TYRP1: variants seen among roughly 807,000 people sequenced by gnomAD.
TYRP1 encodes the protein tyrosinase related protein 1, also known as 5,6-dihydroxyindole-2-carboxylic acid oxidase.
Under a neutral mutation model 42.8 loss-of-function variants are expected in TYRP1, and 49 were observed. The ratio of observed to expected loss-of-function variants is 1.14; its 90% CI spans 0.91 to 1.45. The LOEUF (loss-of-function observed/expected upper bound fraction) is 1.45. TYRP1 is among the 40% of genes most tolerant of loss of function. The probability of loss-of-function intolerance (pLI) is 0.00; values close to 1 mark genes in which losing one functional copy is unlikely to be tolerated. For synonymous variants in TYRP1, 279 were observed against 235.4 expected, an observed-to-expected ratio of 1.19 and a Z score of -1.69; for missense variants, 848 against 662.0, an observed-to-expected ratio of 1.28 and a Z score of -3.08.
rs1818116196 is a variant in TYRP1, at chr9:12,698,609, C to T, written c.867C>T (p.Val289=). 1 of 1,613,746 alleles carries T rather than the reference C, an allele frequency of 6.2e-7. No individual in the cohort carries two copies. Among genetic ancestry groups the T allele is most frequent in the African/African-American group, 1.3e-5 (1 of 75,018 alleles). Residue 289 remains valine, a synonymous_variant, in exon 4 of 8, where the codon GTC becomes GTT. Coordinates refer to ENST00000388918, the MANE Select transcript of TYRP1 (RefSeq NM_000550.3). ...PNSVFSQWRV[V]CDSLEDYDTL... ...CTGTCTTTTCTCAATGGCGAGTGGT[C>T]TGTGACTCCTTGGAAGATTATGATA... is the stretch of plus-strand genomic sequence containing the variant.
chr9:12,707,968 A>C (rs1487482411), intron 6 of TYRP1, 29 bp from the exon 7 acceptor site: 2 of 1,587,172 alleles, frequency 1.3e-6, no homozygotes, highest in East Asian at 2.3e-5. Flanking sequence ...TATTATGTTT[A>C]TTAATACGTT....
chr9:12,708,567 T>C (rs1818299455), intron 7 of TYRP1, among the ~76,000 whole-genome samples: 1 of 152,004 alleles, frequency 6.6e-6, no homozygotes, highest in Non-Finnish European at 1.5e-5. Context: ...GGGAGTGAGA[T>C]ACTCTTAGGT....
chr9:12,702,254 C>A lies in TYRP1; in HGVS notation c.914-17C>A, dbSNP rs780413023. The A allele has an allele frequency of 6.2e-7, 1 of 1,612,432 alleles. No homozygotes were observed. The highest frequency in any genetic ancestry group is 2.2e-5 in the East Asian group (1 of 44,844). On this transcript the variant is annotated splice_polypyrimidine_tract_variant and intron_variant, in intron 4 of 7. Transcript: ENST00000388918. ...AAACATTGTGTAAATGTTTCCACAT[C>A]CCATTTTTTTCTGCAGGCACCGAGG...
At position 12,703,162 on chromosome 9, in the gene TYRP1, A is replaced by G. The variant is rs572101141; in HGVS notation, c.1081+724A>G. ...TATATATATTTAAAGTCTTCAAAAG[A>G]ATATAATTACTTTTATCTTATAAAC... On this transcript the variant is annotated intron_variant, in intron 5 of 7. Transcript: ENST00000388918. Among the ~76,000 whole-genome samples, 6 of 152,066 alleles carry G rather than the reference A, an allele frequency of 3.9e-5. No homozygotes were observed. The South Asian group carries it at 1.0e-3, about 26-fold the overall frequency.
In TYRP1 at chr9:12,695,835, C is replaced by A. The variant is rs917069736; in HGVS notation, c.706C>A (p.Gln236Lys). 1 of 1,613,884 alleles carries A rather than the reference C, an allele frequency of 6.2e-7. No homozygotes were observed. The highest frequency in any genetic ancestry group is 8.5e-7 in the Non-Finnish European group (1 of 1,179,970). Residue 236 changes from glutamine (Q) to lysine (K), a missense_variant and splice_region_variant, in exon 3 of 8, where the codon CAG becomes AAG. Coordinates refer to ENST00000388918, the MANE Select transcript of TYRP1 (RefSeq NM_000550.3). ...YHLLRLEKDM[Q>K]EMLQEPSFSL... The stretch of plus-strand genomic sequence containing the variant: ...CCTCCTGCGTCTGGAGAAAGACATG[C>A]AGGTATGTAAGAAGCATTTCAGTTT...
At chr9:12,695,932 C>T in intron 3 of TYRP1, 95 bp downstream of exon 3, 2 of 1,391,416 alleles carry the variant, frequency 1.4e-6, no homozygotes, top group Non-Finnish European at 2.0e-6. Flanking sequence ...ATCATCAGAA[C>T]ATTTGATGAA....
In TYRP1 at chr9:12,698,481, C is replaced by G. The variant is rs377629560; in HGVS notation, c.739C>G (p.Pro247Ala). The G allele has an allele frequency of 6.2e-7, 1 of 1,613,728 alleles. No individual in the cohort carries two copies. The highest frequency in any genetic ancestry group is 1.1e-5 in the South Asian group (1 of 91,074). ...GTTGCAAGAGCCTTCTTTCTCCCTT[C>G]CTTACTGGAATTTTGCAACGGGGAA... is the stretch of plus-strand genomic sequence containing the variant. ...EMLQEPSFSL[P>A]YWNFATGKNV... Residue 247 changes from proline (P) to alanine (A), a missense_variant, in exon 4 of 8, where the codon CCT becomes GCT. By Grantham distance (27) the Pro-to-Ala change is conservative. Transcript: ENST00000388918.
At chr9:12,702,939 A>G (rs1451614427) in intron 5 of TYRP1, among the ~76,000 whole-genome samples, 3 of 152,054 alleles carry the variant, frequency 2.0e-5, no homozygotes, top group African/African-American at 7.2e-5. Flanking sequence ...TCAAATTAGC[A>G]TCTACTGATG....
chr9:12,693,637 C>G (rs1410831295), intron 1 of TYRP1, among the ~76,000 whole-genome samples, 159 bp downstream of exon 1: 1 of 150,148 alleles, frequency 6.7e-6, no homozygotes, highest in Non-Finnish European at 1.5e-5. Context: ...TGGTGACCTG[C>G]TAATTCATGC....
intron 7 of TYRP1, 36 bp from the exon 8 acceptor site, chr9:12,708,941 A>G: frequency 1.9e-6 from 3 of 1,546,762 alleles, no homozygotes; most frequent in Non-Finnish European, 2.7e-6. Context: ...CTATTTTAAT[A>G]TTTGTCTTTT....
At position 12,698,602 on chromosome 9, in the gene TYRP1, G is replaced by C; in HGVS notation, c.860G>C (p.Arg287Pro). The C allele has an allele frequency of 6.2e-7, 1 of 1,613,726 alleles. No homozygotes were observed. The highest frequency in any genetic ancestry group is 1.6e-4 in the Middle Eastern group (1 of 6,062). Residue 287 changes from arginine (R) to proline (P), a missense_variant, in exon 4 of 8, where the codon CGA becomes CCA. Coordinates refer to ENST00000388918, the MANE Select transcript of TYRP1 (RefSeq NM_000550.3). Reference protein sequence around the residue: ...ISPNSVFSQWRVVCDSLEDYD... With the variant: ...ISPNSVFSQWPVVCDSLEDYD... ...CCAAACTCTGTCTTTTCTCAATGGC[G>C]AGTGGTCTGTGACTCCTTGGAAGAT...
intron 6 of TYRP1, among the ~76,000 whole-genome samples, chr9:12,706,088 A>ATGATGACCACTTTATGTTTGTTTAACT (rs1818253675): frequency 6.6e-6 from 1 of 152,080 alleles, no homozygotes; most frequent in Non-Finnish European, 1.5e-5. Context: ...TTTTACAGTC[A>ATGATGACCACTTTATGTTTGTTTAACT]TGATGACCAC....
At chr9:12,704,826 C>T in intron 6 of TYRP1, 121 bp downstream of exon 6, 1 of 972,974 alleles carries the variant, frequency 1.0e-6, no homozygotes, top group Non-Finnish European at 1.6e-6. Flanking sequence ...GATAGCATAG[C>T]TGTAATATCA....
chr9:12,708,832 G>A, intron 7 of TYRP1, 145 bp from the exon 8 acceptor site: 2 of 740,840 alleles, frequency 2.7e-6, no homozygotes, highest in Non-Finnish European at 4.6e-6. Context: ...AAGAAATCAG[G>A]AAGTGGCTTC....
Position 12,708,084 on chromosome 9 carries a change from C to T in TYRP1, c.1349C>T (p.Thr450Ile). 6.2e-7 allele frequency: 1 copy of T among 1,612,800 alleles called. No individual in the cohort carries two copies. The highest frequency in any genetic ancestry group is 8.5e-7 in the Non-Finnish European group (1 of 1,179,308). Residue 450 changes from threonine (T) to isoleucine (I), a missense_variant, in exon 7 of 8, where the codon ACA (threonine) becomes ATA (isoleucine). Coordinates refer to ENST00000388918, the MANE Select transcript of TYRP1 (RefSeq NM_000550.3). ...MVPFWPPVTN[T>I]EMFVTAPDNL... ...CCATTCTGGCCCCCAGTCACCAACA[C>T]AGAAATGTTTGTTACTGCTCCAGAC...
Position 12,704,719 on chromosome 9 carries a change from A to T in TYRP1, c.1261+14A>T, listed in dbSNP as rs558388466. ...GATACAATGCTGGTAAGACATTTTC[A>T]TATGCCTTTTGCATGCTCAGCTGGG... On this transcript the variant is annotated intron_variant, in intron 6 of 7. Transcript: ENST00000388918. The T allele has an allele frequency of 1.2e-6, 2 of 1,612,044 alleles. No individual in the cohort carries two copies. The highest frequency in any genetic ancestry group is 1.7e-5 in the Admixed American group (1 of 59,854).
intron 3 of TYRP1, among the ~76,000 whole-genome samples, chr9:12,696,483 A>G (rs538768428): frequency 1.3e-5 from 2 of 152,266 alleles, no homozygotes; most frequent in Admixed American, 6.5e-5. Context: ...GTATATTTAT[A>G]TCAAAGCACC....
rs140364108 is a variant in TYRP1 at position 12,709,241 on chromosome 9, A to T, written c.*59A>T. 4.8e-6 allele frequency: 7 copies of T among 1,467,936 alleles called. No homozygotes were observed. The highest frequency in any genetic ancestry group is 6.7e-6 in the Non-Finnish European group (7 of 1,049,484). The allele number at this position is 1,467,936 out of a possible 1,614,324, so 90.9% of individuals were successfully genotyped here. A position where few individuals can be genotyped will look rare whatever the true frequency, so the allele number is the denominator to read the frequency against. On this transcript the variant is annotated 3_prime_UTR_variant, in exon 8 of 8. Coordinates refer to ENST00000388918, the MANE Select transcript of TYRP1 (RefSeq NM_000550.3). ...AAAACCACCTGGTTGAATATAATAG[A>T]TTGAGTTATTAACTGTATTTTCTTT...
chr9:12,697,896 C>T (rs1276568488), intron 3 of TYRP1, among the ~76,000 whole-genome samples: 1 of 152,140 alleles, frequency 6.6e-6, no homozygotes, highest in Non-Finnish European at 1.5e-5. Flanking sequence ...AAATAAAACA[C>T]CTTCCGTGCT....
Sources: gnomAD v4.1 joint callset for allele counts (sites outside exome capture counted in the v4.1 genomes callset) on GRCh38, gnomAD v4.1.1 for gene constraint, MANE v1.5 for transcripts, NCBI Gene and HGNC (gene_info 2026-07-23, HGNC 2026-07-21) for gene names.